ACCSL: variants seen among roughly 807,000 people sequenced by gnomAD.
ACCSL encodes the protein 1-aminocyclopropane-1-carboxylate synthase homolog (inactive) like, also known as probable inactive 1-aminocyclopropane-1-carboxylate synthase-like protein 2.
ACCSL carries 55 observed loss-of-function variants against 61.7 expected under a neutral mutation model. That is an observed-to-expected ratio of 0.89 (90% CI 0.72 to 1.12). ACCSL has a LOEUF of 1.12. Among genes scored for constraint, ACCSL ranks in the 50% most tolerant of loss-of-function variants. The pLI, the probability that ACCSL is intolerant of heterozygous loss-of-function variation, is 0.00. For synonymous variants in ACCSL, 258 were observed against 264.3 expected (o/e 0.98, Z 0.23); for missense variants, 632 against 698.0 (o/e 0.91, Z 1.07).
chr11:44,030,159 A>G, the ACCSL span, among the ~76,000 whole-genome samples: 1 of 137,974 alleles, frequency 7.2e-6, no homozygotes, highest in Non-Finnish European at 1.5e-5. Context: ...TGGTCTATCA[A>G]TGTCTACTTG....
chr11:43,962,775 A>C, the ACCSL span, among the ~76,000 whole-genome samples: 1 of 152,236 alleles, frequency 6.6e-6, no homozygotes, highest in Non-Finnish European at 1.5e-5. Flanking sequence ...AAGCAAATAG[A>C]CTTGAAAGCT....
At chr11:44,020,532 G>A in the ACCSL span, among the ~76,000 whole-genome samples, 1 of 152,174 alleles carries the variant, frequency 6.6e-6, no homozygotes, top group African/African-American at 2.4e-5. Context: ...TCATGAAAGA[G>A]TGTTGGATTC....
the ACCSL span, among the ~76,000 whole-genome samples, chr11:43,930,930 A>C: frequency 2.0e-5 from 3 of 152,198 alleles, no homozygotes; most frequent in Non-Finnish European, 4.4e-5. Context: ...ATATTGTTTA[A>C]AAATGCTGAC....
chr11:43,936,883 C>CT, the ACCSL span, among the ~76,000 whole-genome samples: 1 of 152,078 alleles, frequency 6.6e-6, no homozygotes, highest in African/African-American at 2.4e-5. Flanking sequence ...TTTCCCCACC[C>CT]CCCCCTCCTG....
chr11:43,950,778 G>A, the ACCSL span, among the ~76,000 whole-genome samples: 8 of 152,338 alleles, frequency 5.3e-5, no homozygotes, highest in African/African-American at 1.7e-4. Context: ...CAGCCTGTGA[G>A]TCAGGAGTGA....
the ACCSL span, among the ~76,000 whole-genome samples, chr11:44,018,525 A>G: frequency 2.6e-4 from 40 of 152,352 alleles, no homozygotes; most frequent in Admixed American, 9.1e-4. Flanking sequence ...CTGGGCAGCC[A>G]GAGATTGAGA....
chr11:44,050,571 A>C lies in ACCSL; in HGVS notation c.584A>C (p.Asn195Thr), dbSNP rs1223243559. Reference protein sequence around the residue: ...MTERLQESDMNCIEDTLLQYP... With the variant: ...MTERLQESDMTCIEDTLLQYP... ...CAACAGTTGCAAGAAAGTGACATGA[A>C]CTGCATTGAGGACACCTTGCTTCAG... The change falls in exon 3 of 14, where the codon AAC becomes ACC. Residue 195 changes from asparagine to threonine, a missense_variant. Coordinates refer to ENST00000378832, the MANE Select transcript of ACCSL (RefSeq NM_001031854.2). The C allele has an allele frequency of 6.2e-7, 1 of 1,614,070 alleles. No individual in the cohort carries two copies. Among genetic ancestry groups the C allele is most frequent in the South Asian group, 1.1e-5 (1 of 91,040 alleles).
the ACCSL span, among the ~76,000 whole-genome samples, chr11:43,982,224 C>CT: frequency 1.7e-5 from 2 of 114,736 alleles, no homozygotes; most frequent in African/African-American, 5.7e-5. Flanking sequence ...CCCCAAGGCC[C>CT]TCTTTTTTTT....
chr11:43,932,440 T>C, the ACCSL span, among the ~76,000 whole-genome samples: 1 of 152,192 alleles, frequency 6.6e-6, no homozygotes, highest in African/African-American at 2.4e-5. Flanking sequence ...GCTAACTTTT[T>C]GTATTTTTAG....
chr11:43,980,168 T>G, the ACCSL span, among the ~76,000 whole-genome samples: 2 of 152,256 alleles, frequency 1.3e-5, no homozygotes, highest in Non-Finnish European at 1.5e-5. Flanking sequence ...CCTAGAATTC[T>G]GTTGTTTGAA....
At chr11:43,938,946 C>A in the ACCSL span, among the ~76,000 whole-genome samples, 1 of 152,224 alleles carries the variant, frequency 6.6e-6, no homozygotes, top group Admixed American at 6.5e-5. Context: ...AAGAGACAGG[C>A]TTTGAGAGAG....
the ACCSL span, among the ~76,000 whole-genome samples, chr11:43,930,922 A>C: frequency 6.6e-6 from 1 of 152,146 alleles, no homozygotes; most frequent in East Asian, 1.9e-4. Flanking sequence ...TCCATTGTAT[A>C]TTGTTTAAAA....
chr11:43,943,504 T>C, the ACCSL span: 2 of 1,363,746 alleles, frequency 1.5e-6, no homozygotes, highest in Admixed American at 2.2e-5. The surrounding 1 kb of genome is among the most constrained non-coding windows in gnomAD (Gnocchi z 4.8). Flanking sequence ...TCCTTGTAAA[T>C]GTTTATTTTT....
chr11:43,946,192 T>C, the ACCSL span, among the ~76,000 whole-genome samples: 1 of 152,182 alleles, frequency 6.6e-6, no homozygotes, highest in Non-Finnish European at 1.5e-5. Flanking sequence ...GTTCAAGCGA[T>C]TCTCCTGCCT....
At chr11:43,996,065 G>A in the ACCSL span, among the ~76,000 whole-genome samples, 66 of 152,308 alleles carry the variant, frequency 4.3e-4, no homozygotes, top group East Asian at 0.011. Flanking sequence ...CAGGAAGAAC[G>A]CTGTTTACAA....
chr11:43,928,606 G>C, the ACCSL span, among the ~76,000 whole-genome samples: 1 of 152,268 alleles, frequency 6.6e-6, no homozygotes, highest in East Asian at 1.9e-4. Flanking sequence ...GAGCGGAGGA[G>C]GTGGGCCTCC....
At chr11:44,006,337 C>T in the ACCSL span, among the ~76,000 whole-genome samples, 2 of 152,124 alleles carry the variant, frequency 1.3e-5, no homozygotes, top group African/African-American at 4.8e-5. Context: ...TAGACTGAGG[C>T]CCCTTCCAGC....
the ACCSL span, among the ~76,000 whole-genome samples, chr11:43,958,238 T>G: frequency 6.6e-6 from 1 of 152,244 alleles, no homozygotes; most frequent in African/African-American, 2.4e-5. Context: ...GAAGGTAACA[T>G]CACTATTGTG....
At chr11:44,022,132 G>C in the ACCSL span, among the ~76,000 whole-genome samples, 23 of 151,964 alleles carry the variant, frequency 1.5e-4, no homozygotes, top group African/African-American at 5.3e-4. Context: ...GTTTAGGGTT[G>C]TTTTTTCTAG....
Sources: gnomAD v4.1 joint callset for allele counts (sites outside exome capture counted in the v4.1 genomes callset) on GRCh38, gnomAD v4.1.1 for gene constraint, Gnocchi (gnomAD v3.1) non-coding constraint, MANE v1.5 for transcripts, NCBI Gene and HGNC (gene_info 2026-07-23, HGNC 2026-07-21) for gene names.